Variants in NAALADL2 observed in about 807,000 individuals in gnomAD.
NAALADL2 encodes the protein N-acetylated alpha-linked acidic dipeptidase like 2, also known as inactive N-acetylated-alpha-linked acidic dipeptidase-like protein 2.
In NAALADL2, 76 loss-of-function variants were observed where a neutral mutation model predicts 87.2. The ratio of observed to expected loss-of-function variants is 0.87; its 90% CI spans 0.72 to 1.05. NAALADL2 has a LOEUF of 1.05. NAALADL2 is among the 50% of genes least tolerant of loss of function. The probability of loss-of-function intolerance (pLI) is 0.00; values close to 1 mark genes in which losing one functional copy is unlikely to be tolerated. For synonymous variants in NAALADL2, 354 were observed against 331.0 expected, an observed-to-expected ratio of 1.07 and a Z score of -0.75; for missense variants, 1,089 against 945.8, an observed-to-expected ratio of 1.15 and a Z score of -1.99.
At chr3:174,480,471 G>C (rs1359353605) in intron 1 of NAALADL2, among the ~76,000 whole-genome samples, 2 of 151,640 alleles carry the variant, frequency 1.3e-5, no homozygotes, top group Admixed American at 1.3e-4. Context: ...TGTTTTTTTG[G>C]TGTCCCTGCC....
At chr3:175,407,510 T>G (rs1484264569) in intron 5 of NAALADL2, among the ~76,000 whole-genome samples, 1 of 152,198 alleles carries the variant, frequency 6.6e-6, no homozygotes, top group Non-Finnish European at 1.5e-5. Context: ...TCATGATGTT[T>G]CCCTACTACT....
intron 8 of NAALADL2, among the ~76,000 whole-genome samples, chr3:175,470,117 G>A (rs1204309840): frequency 6.6e-6 from 1 of 151,996 alleles, no homozygotes; most frequent in African/African-American, 2.4e-5. Flanking sequence ...TTCCATCCAT[G>A]TTATCACAAA....
At chr3:175,521,465 C>T (rs950346285) in intron 9 of NAALADL2, among the ~76,000 whole-genome samples, 3 of 151,882 alleles carry the variant, frequency 2.0e-5, no homozygotes, top group African/African-American at 7.3e-5. Context: ...GGTTAAGTAT[C>T]TATAGAAGGT....
At chr3:175,174,389 G>A (rs1735363001) in intron 2 of NAALADL2, among the ~76,000 whole-genome samples, 1 of 152,024 alleles carries the variant, frequency 6.6e-6, no homozygotes, top group South Asian at 2.1e-4. Flanking sequence ...CTACAGTTAT[G>A]TATTTGCAGC....
At chr3:175,330,330 G>A (rs1761248901) in intron 5 of NAALADL2, among the ~76,000 whole-genome samples, 1 of 152,088 alleles carries the variant, frequency 6.6e-6, no homozygotes, top group Admixed American at 6.6e-5. Context: ...TTTGGTCCCA[G>A]CTACTTGGGA....
chr3:175,646,716 G>A (rs770298936), intron 11 of NAALADL2, among the ~76,000 whole-genome samples: 32 of 151,938 alleles, frequency 2.1e-4, no homozygotes, highest in Non-Finnish European at 3.2e-4. Flanking sequence ...GCCTTCCATC[G>A]GAGACACAAC....
chr3:175,627,139 T>C (rs547148899), intron 10 of NAALADL2, among the ~76,000 whole-genome samples, 152 bp from the exon 11 acceptor site: 66 of 151,994 alleles, frequency 4.3e-4, no homozygotes, highest in Middle Eastern at 3.4e-3. Context: ...TATTCTGGGA[T>C]GGGTAGTTAG....
At chr3:174,955,950 G>A (rs996496341) in intron 1 of NAALADL2, among the ~76,000 whole-genome samples, 1 of 152,034 alleles carries the variant, frequency 6.6e-6, no homozygotes, top group South Asian at 2.1e-4. Flanking sequence ...CCGGGTGTTG[G>A]TGCCAATCTT....
At chr3:174,548,880 C>T (rs1201767958) in intron 1 of NAALADL2, among the ~76,000 whole-genome samples, 1 of 152,156 alleles carries the variant, frequency 6.6e-6, no homozygotes. Flanking sequence ...CACTCTGTTG[C>T]CCAAGCTAGA....
intron 10 of NAALADL2, among the ~76,000 whole-genome samples, chr3:175,588,525 C>CTT (rs1422315187): frequency 9.2e-6 from 1 of 108,336 alleles, no homozygotes; most frequent in Non-Finnish European, 2.0e-5. Context: ...GACTTTCTTT[C>CTT]TTTCTTTTCT....
chr3:175,168,618 G>A (rs1349349823), intron 2 of NAALADL2, among the ~76,000 whole-genome samples: 2 of 151,728 alleles, frequency 1.3e-5, no homozygotes, highest in East Asian at 1.9e-4. Flanking sequence ...AATTATTCAT[G>A]TAATTTCATG....
At chr3:175,093,782 T>C (rs1383805367) in intron 1 of NAALADL2, among the ~76,000 whole-genome samples, 5 of 151,708 alleles carry the variant, frequency 3.3e-5, no homozygotes, top group Non-Finnish European at 7.4e-5. Flanking sequence ...TTAGTGAAAA[T>C]GTAATAATGT....
chr3:175,189,292 A>T (rs1005710215), intron 2 of NAALADL2, among the ~76,000 whole-genome samples: 1 of 152,200 alleles, frequency 6.6e-6, no homozygotes, highest in Non-Finnish European at 1.5e-5. Context: ...ATGTAAAATT[A>T]TCTGTATTTA....
intron 5 of NAALADL2, among the ~76,000 whole-genome samples, chr3:175,388,665 C>A (rs1366134968): frequency 1.3e-5 from 2 of 152,044 alleles, no homozygotes; most frequent in African/African-American, 4.8e-5. Context: ...TTTTTAAACA[C>A]AGACTGCCAG....
At position 175,142,295 on chromosome 3, in the gene NAALADL2, C is replaced by A. The variant is rs575559339; in HGVS notation, c.545+45004C>A. 3.1e-3 allele frequency among the ~76,000 whole-genome samples: 472 copies of A among 152,036 alleles called. 2 individuals carry two copies. Among genetic ancestry groups the A allele is most frequent in the African/African-American group, 0.011 (464 of 41,516 alleles). On this transcript the variant is annotated intron_variant, in intron 2 of 13. Coordinates refer to ENST00000454872, the MANE Select transcript of NAALADL2 (RefSeq NM_207015.3). The stretch of plus-strand genomic sequence containing the variant: ...AATTTAAGATGCTTTAGATTAATTT[C>A]GTTTATAATTATGTGGAACCTTTGA...
At chr3:174,910,286 T>C (rs1398350093) in intron 1 of NAALADL2, among the ~76,000 whole-genome samples, 1 of 152,134 alleles carries the variant, frequency 6.6e-6, no homozygotes, top group Non-Finnish European at 1.5e-5. Context: ...TATTTTGGCA[T>C]GCTAACTTAA....
intron 2 of NAALADL2, among the ~76,000 whole-genome samples, chr3:175,216,653 C>CTTT (rs752630220): frequency 2.4e-5 from 2 of 84,302 alleles, no homozygotes; most frequent in African/African-American, 3.7e-5. Flanking sequence ...AATTTTTTTT[C>CTTT]TTTTTTTTTC....
At chr3:174,838,047 A>G (rs1723566958) in intron 3 of NAALADL2, among the ~76,000 whole-genome samples, 3 of 150,970 alleles carry the variant, frequency 2.0e-5, no homozygotes. Flanking sequence ...GAAAAAAAAA[A>G]AACTACAGAC....
intron 13 of NAALADL2, among the ~76,000 whole-genome samples, chr3:175,792,294 T>G (rs1752888473): frequency 6.6e-6 from 1 of 152,216 alleles, no homozygotes; most frequent in African/African-American, 2.4e-5. Context: ...CTGTAACAAT[T>G]CTTAAAAATA....
Sources: gnomAD v4.1 joint callset for allele counts (sites outside exome capture counted in the v4.1 genomes callset) on GRCh38, gnomAD v4.1.1 for gene constraint, MANE v1.5 for transcripts, NCBI Gene and HGNC (gene_info 2026-07-23, HGNC 2026-07-21) for gene names.